C12orf42: variants seen among roughly 807,000 people sequenced by gnomAD.
The protein encoded by C12orf42 is chromosome 12 open reading frame 42, also known as uncharacterized protein C12orf42.
In C12orf42, 25 loss-of-function variants were observed where a neutral mutation model predicts 21.6. The ratio of observed to expected loss-of-function variants is 1.16; its 90% CI spans 0.84 to 1.62. The LOEUF (loss-of-function observed/expected upper bound fraction) is 1.62. Among genes scored for constraint, C12orf42 ranks in the 40% most tolerant of loss-of-function variants. The pLI, the probability that C12orf42 is intolerant of heterozygous loss-of-function variation, is 0.00. For synonymous variants in C12orf42, 174 were observed against 175.0 expected, an observed-to-expected ratio of 0.99 and a Z score of 0.05; for missense variants, 483 against 459.3, an observed-to-expected ratio of 1.05 and a Z score of -0.47.
chr12:103,548,689 GAACAT>G, the C12orf42 span: 2 of 152,130 alleles, frequency 1.3e-5, no homozygotes, highest in Non-Finnish European at 2.9e-5. Flanking sequence ...ATTTTATAAT[GAACAT>G]AACATATGAG....
the C12orf42 span, among the ~76,000 whole-genome samples, chr12:103,169,885 G>T: frequency 2.0e-5 from 3 of 152,090 alleles, no homozygotes; most frequent in African/African-American, 7.2e-5. Flanking sequence ...AGAGGAATAG[G>T]AGGTTCAGAA....
the C12orf42 span, among the ~76,000 whole-genome samples, chr12:103,532,910 C>T: frequency 6.6e-6 from 1 of 152,326 alleles, no homozygotes; most frequent in African/African-American, 2.4e-5. Flanking sequence ...AACGCCCCTG[C>T]CCCACAGGCA....
chr12:103,465,111 A>G (rs1394112462), intron 2 of C12orf42, among the ~76,000 whole-genome samples: 1 of 152,152 alleles, frequency 6.6e-6, no homozygotes, highest in East Asian at 1.9e-4. Context: ...TATAAATTTT[A>G]AAGTAGTTTC....
intron 4 of C12orf42, among the ~76,000 whole-genome samples, chr12:103,279,414 T>C (rs912481475): frequency 7.2e-5 from 11 of 152,238 alleles, no homozygotes; most frequent in Admixed American, 2.6e-4. Context: ...TATGTGTATA[T>C]GTATTTATAT....
chr12:103,287,472 G>A lies in C12orf42; in HGVS notation n.338-10262C>T, dbSNP rs199526726. Among the ~76,000 whole-genome samples the A allele has an allele frequency of 2.2e-4, 33 of 151,804 alleles. 1 individual carries two copies. Among genetic ancestry groups the A allele is most frequent in the Admixed American group, 6.6e-4 (10 of 15,252 alleles). The stretch of plus-strand genomic sequence containing the variant: ...CACAAGGACAAAAAAACCAAACACC[G>A]CATGTTCTCACTCATAGGTGGGAAT... On this transcript the variant is annotated intron_variant and non_coding_transcript_variant, in intron 4 of 6. Coordinates refer to the C12orf42 transcript ENST00000546526.
chr12:103,126,233 A>G, the C12orf42 span, among the ~76,000 whole-genome samples: 1 of 152,112 alleles, frequency 6.6e-6, no homozygotes. Flanking sequence ...ATTAGTACTA[A>G]CCTCCTAGAC....
At chr12:103,491,677 C>T (rs1294530442) in intron 1 of C12orf42, among the ~76,000 whole-genome samples, 1 of 152,210 alleles carries the variant, frequency 6.6e-6, no homozygotes, top group East Asian at 1.9e-4. Context: ...TTTCTACCCC[C>T]AGATCCTCCA....
At chr12:103,351,420 G>A (rs1173756671) in intron 4 of C12orf42, among the ~76,000 whole-genome samples, 1 of 152,070 alleles carries the variant, frequency 6.6e-6, no homozygotes, top group Non-Finnish European at 1.5e-5. Context: ...CCCTGTCACG[G>A]AGGCTGCCTG....
At position 103,471,451 on chromosome 12, in the gene C12orf42, A is replaced by C. The variant is rs540332446; in HGVS notation, c.78+6898T>G. 7.2e-5 allele frequency among the ~76,000 whole-genome samples: 11 copies of C among 152,370 alleles called. 1 individual carries two copies. The South Asian group carries it at 2.3e-3, about 32-fold the overall frequency. On this transcript the variant is annotated intron_variant, in intron 2 of 5. Transcript: ENST00000548883. The stretch of plus-strand genomic sequence containing the variant: ...TAACCTAAACAGCCAACAGAGGTCA[A>C]TTTCATTTAAAATAACAAAAATAAG...
At chr12:103,096,960 A>T in the C12orf42 span, among the ~76,000 whole-genome samples, 1 of 152,180 alleles carries the variant, frequency 6.6e-6, no homozygotes, top group Non-Finnish European at 1.5e-5. Context: ...TTTTGAATAT[A>T]TTGTGATGTT....
intron 4 of C12orf42, among the ~76,000 whole-genome samples, chr12:103,285,081 CAGA>C (rs1156600579): frequency 6.6e-6 from 1 of 152,112 alleles, no homozygotes; most frequent in Non-Finnish European, 1.5e-5. Context: ...ACAGCAAAGG[CAGA>C]AGAACTCATG....
At chr12:103,227,611 A>G in the C12orf42 span, among the ~76,000 whole-genome samples, 1 of 151,908 alleles carries the variant, frequency 6.6e-6, no homozygotes, top group Non-Finnish European at 1.5e-5. Context: ...GTTAGAGACA[A>G]GGAGAGAAGG....
chr12:103,097,561 C>A, the C12orf42 span, among the ~76,000 whole-genome samples: 2 of 152,084 alleles, frequency 1.3e-5, no homozygotes, highest in Non-Finnish European at 2.9e-5. Context: ...TAGAAAAATG[C>A]CTGCTGCTTT....
the C12orf42 span, among the ~76,000 whole-genome samples, chr12:103,092,899 C>T: frequency 1.2e-4 from 19 of 152,316 alleles, no homozygotes; most frequent in Admixed American, 2.6e-4. Flanking sequence ...CTGTGTGATG[C>T]GCCACCATCC....
At chr12:103,502,559 A>C in the C12orf42 span, among the ~76,000 whole-genome samples, 1 of 151,954 alleles carries the variant, frequency 6.6e-6, no homozygotes, top group African/African-American at 2.4e-5. Context: ...TTTTCATAGA[A>C]CCTACACCTT....
At chr12:103,338,762 C>G (rs911623464) in intron 4 of C12orf42, among the ~76,000 whole-genome samples, 1 of 151,990 alleles carries the variant, frequency 6.6e-6, no homozygotes, top group Non-Finnish European at 1.5e-5. Flanking sequence ...TTCCCAGGGT[C>G]ACAAAAACTA....
At chr12:103,333,449 T>G (rs2041421410) in intron 4 of C12orf42, among the ~76,000 whole-genome samples, 1 of 152,310 alleles carries the variant, frequency 6.6e-6, no homozygotes, top group Non-Finnish European at 1.5e-5. Context: ...AACAAGGAAC[T>G]ACAAAGCTCA....
the C12orf42 span, among the ~76,000 whole-genome samples, chr12:103,076,376 G>C: frequency 6.7e-4 from 101 of 151,446 alleles, no homozygotes; most frequent in East Asian, 0.011. Context: ...TGCTCTGTAT[G>C]ATGAGGGCAA....
chr12:103,184,269 C>T, the C12orf42 span, among the ~76,000 whole-genome samples: 1 of 152,046 alleles, frequency 6.6e-6, no homozygotes, highest in African/African-American at 2.4e-5. Context: ...TTATGTTTTC[C>T]TGATGGACTA....
Sources: gnomAD v4.1 joint callset for allele counts (sites outside exome capture counted in the v4.1 genomes callset) on GRCh38, gnomAD v4.1.1 for gene constraint, MANE v1.5 for transcripts, NCBI Gene and HGNC (gene_info 2026-07-23, HGNC 2026-07-21) for gene names.